The following EYS variants were observed in gnomAD, a reference collection of about 807,000 sequenced individuals.
EYS encodes protein eyes shut homolog.
In EYS, 250 loss-of-function variants were observed where a neutral mutation model predicts 282.1. The observed-to-expected ratio is 0.89, with a 90% CI of 0.80 to 0.98. EYS has a LOEUF of 0.98. EYS is among the 50% of genes least tolerant of loss of function. The pLI, the probability that EYS is intolerant of heterozygous loss-of-function variation, is 0.00. For missense variants in EYS, 4,016 were observed against 3,709.0 expected (o/e 1.08, Z -2.15); for synonymous variants, 1,355 against 1,282.9 (o/e 1.06, Z -1.20).
intron 35 of EYS, among the ~76,000 whole-genome samples, chr6:63,891,503 A>G (rs1453748725): frequency 6.6e-6 from 1 of 152,246 alleles, no homozygotes; most frequent in Non-Finnish European, 1.5e-5. Flanking sequence ...TTATCTCAAT[A>G]GATGCAGAAA....
At chr6:65,695,871 A>G (rs1329075659) in intron 1 of EYS, among the ~76,000 whole-genome samples, 1 of 152,012 alleles carries the variant, frequency 6.6e-6, no homozygotes, top group Non-Finnish European at 1.5e-5. Context: ...ATTCAAACAC[A>G]TACAGAAACA....
At chr6:65,149,594 A>C (rs999694439) in intron 12 of EYS, among the ~76,000 whole-genome samples, 1 of 149,820 alleles carries the variant, frequency 6.7e-6, no homozygotes, top group Admixed American at 6.7e-5. Context: ...ATCTGAGACC[A>C]CCTCTGGCTG....
intron 12 of EYS, among the ~76,000 whole-genome samples, chr6:65,091,916 A>G (rs1314947009): frequency 6.6e-6 from 1 of 151,900 alleles, no homozygotes; most frequent in Middle Eastern, 3.2e-3. Context: ...TCCACATCCC[A>G]CCTGCCTACG....
intron 12 of EYS, among the ~76,000 whole-genome samples, chr6:65,271,138 A>ATATATATATATATATATATC: frequency 8.5e-6 from 1 of 117,978 alleles, no homozygotes. Flanking sequence ...TTATATATAT[A>ATATATATATATATATATATC]TATATATATA....
intron 23 of EYS, among the ~76,000 whole-genome samples, chr6:64,618,304 C>T (rs1398165591): frequency 6.6e-6 from 1 of 152,112 alleles, no homozygotes; most frequent in Non-Finnish European, 1.5e-5. Context: ...GATTCTTTCC[C>T]ATCAGATAAT....
chr6:64,997,417 TA>T lies in EYS; in HGVS notation c.2259+164del, dbSNP rs376045129. 0.075 allele frequency among the ~76,000 whole-genome samples: 10,944 copies of T among 146,802 alleles called. 451 individuals carry two copies. Among genetic ancestry groups the T allele is most frequent in the African/African-American group, 0.12 (4,928 of 40,418 alleles). On this transcript the variant is annotated intron_variant, in intron 14 of 42. Transcript: ENST00000503581. ...AGAACATGTTTTACTACCTTTAAGT[TA>T]AAAAAAAAAAGTTGCTTGAGTTTCT...
At chr6:65,139,852 T>G (rs1261364232) in intron 12 of EYS, among the ~76,000 whole-genome samples, 2 of 152,056 alleles carry the variant, frequency 1.3e-5, no homozygotes, top group Non-Finnish European at 2.9e-5. Flanking sequence ...AGATGCCATT[T>G]GGGGAATCTG....
At chr6:65,067,460 T>C (rs1773780978) in intron 12 of EYS, among the ~76,000 whole-genome samples, 1 of 152,108 alleles carries the variant, frequency 6.6e-6, no homozygotes, top group Non-Finnish European at 1.5e-5. Flanking sequence ...TGGTTTTAGA[T>C]ATGATGTGAA....
rs189934190 is a variant in EYS at position 64,821,177 on chromosome 6, C to T, written c.3243+468G>A. ...GACTCCTGAAGATTGAAAGACATAT[C>T]CTGAGAATATTAAAGGTGTTGCCCA... On this transcript the variant is annotated intron_variant, in intron 21 of 42. Transcript: ENST00000503581. Among the ~76,000 whole-genome samples, 69 of 152,024 alleles carry T rather than the reference C, an allele frequency of 4.5e-4. 1 individual carries two copies. In the East Asian group the frequency reaches 0.011, roughly 25 times the overall value.
At position 64,593,220 on chromosome 6, in the gene EYS, T is replaced by C. The variant is rs1244288783; in HGVS notation, c.3774A>G (p.Thr1258=). The change falls in exon 25 of 43, where the codon ACA becomes ACG. Residue 1258 remains threonine (T), a synonymous_variant. Coordinates refer to ENST00000503581, the MANE Select transcript of EYS (RefSeq NM_001142800.2). ...CAGAAGGGGGAATTGTATATGTCTG[T>C]GTGGAAATGGGATCTGTTCTTTGAA... The part of the protein sequence containing the change: ...PIFQRTDPIS[T]QTYTIPPSET... 2.6e-6 allele frequency: 4 copies of C among 1,550,598 alleles called. No homozygotes were observed. The highest frequency in any genetic ancestry group is 1.4e-5 in the African/African-American group (1 of 72,960).
intron 2 of EYS, among the ~76,000 whole-genome samples, chr6:65,556,459 C>T (rs1768807276): frequency 6.7e-6 from 1 of 149,726 alleles, no homozygotes; most frequent in South Asian, 2.1e-4. Context: ...GTCAGATCCT[C>T]TTTTAGTGAT....
chr6:64,164,662 C>T (rs1775211044), intron 31 of EYS, among the ~76,000 whole-genome samples: 1 of 152,068 alleles, frequency 6.6e-6, no homozygotes, highest in Non-Finnish European at 1.5e-5. Flanking sequence ...TTCAATGCTT[C>T]ATTTATGATT....
chr6:64,546,253 C>G (rs1172677221), intron 26 of EYS, among the ~76,000 whole-genome samples: 17 of 151,988 alleles, frequency 1.1e-4, no homozygotes, highest in Admixed American at 9.2e-4. Context: ...ACAAACCTGA[C>G]AAAAACAAGA....
At chr6:64,987,239 G>A (rs1770888223) in intron 14 of EYS, among the ~76,000 whole-genome samples, 1 of 151,452 alleles carries the variant, frequency 6.6e-6, no homozygotes, top group Non-Finnish European at 1.5e-5. Flanking sequence ...ACACCTCTCA[G>A]TGCAAGCTTC....
chr6:65,265,516 TTTC>T (rs1194377156), intron 12 of EYS, among the ~76,000 whole-genome samples: 2 of 151,992 alleles, frequency 1.3e-5, no homozygotes, highest in East Asian at 3.9e-4. Flanking sequence ...ATTATTATAT[TTTC>T]TTAATATGGT....
chr6:64,158,792 A>G (rs1775011340), intron 31 of EYS, among the ~76,000 whole-genome samples: 1 of 147,938 alleles, frequency 6.8e-6, no homozygotes, highest in Non-Finnish European at 1.5e-5. Flanking sequence ...CTCGCTAACC[A>G]CAAACAAAAA....
intron 35 of EYS, among the ~76,000 whole-genome samples, chr6:63,883,284 C>G (rs970007117): frequency 6.6e-6 from 1 of 152,212 alleles, no homozygotes; most frequent in African/African-American, 2.4e-5. Context: ...CTTCACATGT[C>G]CTTGGTGTGC....
intron 12 of EYS, among the ~76,000 whole-genome samples, chr6:65,225,941 A>G (rs505657): frequency 0.38 from 57,207 of 151,812 alleles, 11,736 homozygotes; most frequent in African/African-American, 0.54. Flanking sequence ...ATATTCAATA[A>G]CAAAAGATGG....
intron 22 of EYS, among the ~76,000 whole-genome samples, chr6:64,812,294 G>A (rs140772802): frequency 6.6e-6 from 1 of 151,584 alleles, no homozygotes; most frequent in Admixed American, 6.6e-5. Context: ...TCTGATGCAT[G>A]TGTATATCAA....
Sources: gnomAD v4.1 joint callset for allele counts (sites outside exome capture counted in the v4.1 genomes callset) on GRCh38, gnomAD v4.1.1 for gene constraint, MANE v1.5 for transcripts, NCBI Gene and HGNC (gene_info 2026-07-23, HGNC 2026-07-21) for gene names.